Variants in NFIX observed in about 807,000 individuals in gnomAD.
NFIX encodes nuclear factor I X.
In NFIX, 2 loss-of-function variants were observed where a neutral mutation model predicts 53.3. The ratio of observed to expected loss-of-function variants is 0.04; its 90% CI spans 0.02 to 0.12. The LOEUF (loss-of-function observed/expected upper bound fraction) is 0.12. NFIX is among the 10% of genes least tolerant of loss of function. NFIX has a pLI of 1.00. For synonymous variants in NFIX, 244 were observed against 289.0 expected (o/e 0.84, Z 1.58); for missense variants, 310 against 674.5 (o/e 0.46, Z 5.99).
chr19:13,044,446 G>C (rs1469996116), intron 2 of NFIX, among the ~76,000 whole-genome samples: 1 of 152,142 alleles, frequency 6.6e-6, no homozygotes, highest in Non-Finnish European at 1.5e-5. Flanking sequence ...GTACAAGTAT[G>C]GGTTGGGGTG....
intron 2 of NFIX, among the ~76,000 whole-genome samples, chr19:13,032,081 C>T (rs777267173): frequency 5.9e-5 from 9 of 152,188 alleles, no homozygotes; most frequent in East Asian, 1.9e-4. Flanking sequence ...GCGCGGTGCT[C>T]GCACAAAAGG....
intron 6 of NFIX, among the ~76,000 whole-genome samples, chr19:13,075,921 G>A (rs1458866395): frequency 2.0e-5 from 3 of 152,134 alleles, no homozygotes; most frequent in African/African-American, 7.2e-5. Flanking sequence ...AGCAGAGGGG[G>A]TGCCAAGCCT....
In NFIX at chr19:13,011,652, C is replaced by T. The variant is rs2012356125; in HGVS notation, c.28-13369C>T. Among the ~76,000 whole-genome samples the T allele has an allele frequency of 6.6e-6, 1 of 152,180 alleles. No individual in the cohort carries two copies. The highest frequency in any genetic ancestry group is 6.5e-5 in the Admixed American group (1 of 15,294). ...TACTCCAGCGTCTCCTCCGGGTCCC[C>T]GGAAGAGAGAAGCTGGGCTGCACCC... On this transcript the variant is annotated intron_variant, in intron 1 of 10. Transcript: ENST00000592199. This position sits in a 1 kb window ranked among gnomAD's most constrained non-coding sequence, Gnocchi z 6.5.
chr19:13,019,089 T>C (rs1439101264), intron 1 of NFIX, among the ~76,000 whole-genome samples: 16 of 151,442 alleles, frequency 1.1e-4, no homozygotes, highest in Non-Finnish European at 4.4e-5. Context: ...AATCTGGGCC[T>C]TAAAGCCAGC....
chr19:13,024,756 G>A, intron 1 of NFIX: 1 of 1,523,092 alleles, frequency 6.6e-7, no homozygotes, highest in Non-Finnish European at 8.8e-7. Flanking sequence ...GAATAGGTGT[G>A]TGTAGAGGCT....
chr19:13,035,478 C>T (rs1027142236), intron 2 of NFIX, among the ~76,000 whole-genome samples: 4 of 152,154 alleles, frequency 2.6e-5, no homozygotes, highest in Admixed American at 6.5e-5. Flanking sequence ...GTGCAGCAAC[C>T]GGTAATCCTG....
intron 2 of NFIX, among the ~76,000 whole-genome samples, chr19:13,032,045 T>C (rs955772178): frequency 5.9e-5 from 9 of 151,944 alleles, no homozygotes; most frequent in Non-Finnish European, 1.0e-4. Context: ...GATTCAGAAG[T>C]CTTTTCAAAG....
intron 2 of NFIX, among the ~76,000 whole-genome samples, chr19:13,055,084 T>G (rs2015570331): frequency 7.0e-6 from 1 of 141,896 alleles, no homozygotes; most frequent in Non-Finnish European, 1.5e-5. Flanking sequence ...CTCCTAATAA[T>G]CCCCCCTTTC....
At chr19:13,079,945 G>A (rs539437742) in intron 7 of NFIX, among the ~76,000 whole-genome samples, 51 of 152,348 alleles carry the variant, frequency 3.3e-4, no homozygotes, top group Admixed American at 9.8e-4. Context: ...CCTAGGTGGC[G>A]GTGGCTGGGT....
intron 10 of NFIX, among the ~76,000 whole-genome samples, chr19:13,091,778 C>T (rs920959622): frequency 6.6e-6 from 1 of 152,214 alleles, no homozygotes; most frequent in Non-Finnish European, 1.5e-5. Context: ...TTCCATCGCT[C>T]CCTCCCTCCT....
At position 13,009,572 on chromosome 19, in the gene NFIX, C is replaced by A. The variant is rs936988720; in HGVS notation, c.27+13708C>A. On this transcript the variant is annotated intron_variant, in intron 1 of 10. Transcript: ENST00000592199. The surrounding 1 kb of genome is among the most constrained non-coding windows in gnomAD (Gnocchi z 4.7). ...TGGCCTTCCCATGGGAATTCCCTTCCTATTCCCCAGTTCTAAGAAGCCCAG... is the reference window on the plus strand; with the variant it reads ...TGGCCTTCCCATGGGAATTCCCTTCATATTCCCCAGTTCTAAGAAGCCCAG... 6.6e-6 allele frequency among the ~76,000 whole-genome samples: 1 copy of A among 152,200 alleles called. No homozygotes were observed. The highest frequency in any genetic ancestry group is 1.5e-5 in the Non-Finnish European group (1 of 68,040).
In NFIX at chr19:13,025,122, G is replaced by A. The variant is rs766284677; in HGVS notation, c.129G>A (p.Lys43=). 31 of 1,614,106 alleles carry A rather than the reference G, an allele frequency of 1.9e-5. No homozygotes were observed. Among genetic ancestry groups the A allele is most frequent in the Non-Finnish European group, 2.5e-5 (29 of 1,180,038 alleles). The change falls in exon 2 of 11, where the codon AAG becomes AAA. Residue 43 remains lysine (K), a synonymous_variant. Coordinates refer to ENST00000592199, the MANE Select transcript of NFIX (RefSeq NM_001365902.3). The surrounding 1 kb of genome is among the most constrained non-coding windows in gnomAD (Gnocchi z 7.5). The part of the protein sequence containing the change: ...LQARKRKYFK[K]HEKRMSKDEE... ...CGCGGAAGCGCAAGTACTTCAAGAAGCATGAAAAGCGGATGTCGAAGGACG... is the reference window on the plus strand; with the variant it reads ...CGCGGAAGCGCAAGTACTTCAAGAAACATGAAAAGCGGATGTCGAAGGACG...
Position 13,078,495 on chromosome 19 carries a change from A to G in NFIX, c.956-118A>G. On this transcript the variant is annotated intron_variant, in intron 6 of 10. Coordinates refer to ENST00000592199, the MANE Select transcript of NFIX (RefSeq NM_001365902.3). This position sits in a 1 kb window ranked among gnomAD's most constrained non-coding sequence, Gnocchi z 4.7. ...GGAGCAGCAGGAGGGAGCACAGTGGAGGAAGGGGCAGTGGGGAGGGGCTGA... is the reference window on the plus strand; with the variant it reads ...GGAGCAGCAGGAGGGAGCACAGTGGGGGAAGGGGCAGTGGGGAGGGGCTGA... The G allele has an allele frequency of 7.8e-7, 1 of 1,279,474 alleles. No homozygotes were observed. The highest frequency in any genetic ancestry group is 1.5e-5 in the African/African-American group (1 of 67,764). The allele number at this position is 1,279,474 out of a possible 1,614,324, so 79.3% of individuals were successfully genotyped here. A position where few individuals can be genotyped will look rare whatever the true frequency, so the allele number is the denominator to read the frequency against.
chr19:13,069,368 C>G (rs2016628045), intron 2 of NFIX, among the ~76,000 whole-genome samples: 1 of 152,210 alleles, frequency 6.6e-6, no homozygotes, highest in South Asian at 2.1e-4. Flanking sequence ...GGGGTGTCGG[C>G]CGATGACAGA....
At position 13,012,962 on chromosome 19, in the gene NFIX, G is replaced by A. The variant is rs897286898; in HGVS notation, c.28-12059G>A. ...GGGTTGGCTGGGTTTGGGGGATTTT[G>A]TCCTCCAGCGAGCGCGGGGAAGAAA... On this transcript the variant is annotated intron_variant, in intron 1 of 10. Transcript: ENST00000592199. This position sits in a 1 kb window ranked among gnomAD's most constrained non-coding sequence, Gnocchi z 5.0. Among the ~76,000 whole-genome samples, 4 of 151,980 alleles carry A rather than the reference G, an allele frequency of 2.6e-5. No homozygotes were observed. Among genetic ancestry groups the A allele is most frequent in the African/African-American group, 9.7e-5 (4 of 41,332 alleles).
intron 2 of NFIX, among the ~76,000 whole-genome samples, chr19:13,062,814 C>T (rs754037228): frequency 4.6e-5 from 7 of 152,238 alleles, no homozygotes; most frequent in Non-Finnish European, 8.8e-5. Context: ...AAGGAGGCCC[C>T]TTTGGAGTCA....
chr19:13,081,768 C>A lies in NFIX; in HGVS notation c.1167C>A (p.Ile389=). ...GCCCGTATTTCACGCACCCGACCAT[C>A]CGCTACCACCACCACCACGGGCAGG... ...QSSPYFTHPT[I]RYHHHHGQDS... Residue 389 remains isoleucine (I), a synonymous_variant, in exon 8 of 11, where the codon ATC becomes ATA. Transcript: ENST00000592199. This position sits in a 1 kb window ranked among gnomAD's most constrained non-coding sequence, Gnocchi z 4.7. The A allele has an allele frequency of 2.5e-6, 4 of 1,614,036 alleles. No individual in the cohort carries two copies. The East Asian group carries it at 6.7e-5, about 27-fold the overall frequency.
At chr19:13,070,632 G>A (rs1479646826) in intron 2 of NFIX, 1 of 152,404 alleles carries the variant, frequency 6.6e-6, no homozygotes, top group Non-Finnish European at 1.5e-5. Flanking sequence ...GTGGGCCTCC[G>A]GCTGAGGCCG....
chr19:13,083,055 T>C, intron 8 of NFIX, among the ~76,000 whole-genome samples: 1 of 152,196 alleles, frequency 6.6e-6, no homozygotes, highest in East Asian at 1.9e-4. Flanking sequence ...GCTCCTTTCC[T>C]CCTCGTCTCC....
Sources: allele counts gnomAD v4.1 joint callset (sites outside exome capture counted in the v4.1 genomes callset), GRCh38; gene constraint gnomAD v4.1.1; non-coding constraint Gnocchi (gnomAD v3.1); transcripts MANE v1.5; gene names NCBI Gene and HGNC (gene_info 2026-07-23, HGNC 2026-07-21).